SERGEF: variants seen among roughly 807,000 people sequenced by gnomAD.
SERGEF encodes the protein secretion-regulating guanine nucleotide exchange factor.
Under a neutral mutation model 50.0 loss-of-function variants are expected in SERGEF, and 51 were observed. The ratio of observed to expected loss-of-function variants is 1.02; its 90% CI spans 0.81 to 1.29. The LOEUF (loss-of-function observed/expected upper bound fraction) is 1.29, where lower values mean the gene tolerates loss of function less well. SERGEF is among the 50% of genes most tolerant of loss of function. The pLI, the probability that SERGEF is intolerant of heterozygous loss-of-function variation, is 0.00. For synonymous variants in SERGEF, 205 were observed against 212.4 expected (o/e 0.97, Z 0.30); for missense variants, 521 against 557.0 (o/e 0.94, Z 0.65).
chr11:17,821,670 C>T (rs1214738772), intron 10 of SERGEF, among the ~76,000 whole-genome samples: 1 of 152,212 alleles, frequency 6.6e-6, no homozygotes, highest in Admixed American at 6.5e-5. Context: ...GAGATATCAC[C>T]TCTTCTCTGC....
At position 18,007,961 on chromosome 11, in the gene SERGEF, C is replaced by T; in HGVS notation, c.176G>A (p.Gly59Asp). Residue 59 changes from glycine to aspartate, a missense_variant, in exon 2 of 11, where the codon GGC becomes GAC. By Grantham distance (94) the Gly-to-Asp change is moderately conservative. Coordinates refer to ENST00000265965, the MANE Select transcript of SERGEF (RefSeq NM_012139.4). The stretch of plus-strand genomic sequence containing the variant: ...ATTACCTGTGACAACTGCAGAGTGG[C>T]CCCCTCCTCCTGTGATCCTCCTGAC... The part of the protein sequence containing the change: ...RSVRRITGGG[G>D]HSAVVTDGGD... The T allele has an allele frequency of 6.2e-7, 1 of 1,613,470 alleles. No individual in the cohort carries two copies. Among genetic ancestry groups the T allele is most frequent in the Non-Finnish European group, 8.5e-7 (1 of 1,179,644 alleles).
rs1000198406 is a variant in SERGEF, at chr11:17,918,820, C to T, written c.1012-40576G>A. On this transcript the variant is annotated intron_variant, in intron 9 of 10. Coordinates refer to ENST00000265965, the MANE Select transcript of SERGEF (RefSeq NM_012139.4). ...AATATGGATTAGGCAAAAAGCACTC[C>T]TGGCAAAGGGAAGAGTGTGAGCAAA... The T allele has an allele frequency of 7.6e-6, 3 of 393,488 alleles. 1 individual carries two copies. Among genetic ancestry groups the T allele is most frequent in the Non-Finnish European group, 1.5e-5 (3 of 200,974 alleles). The allele number at this position is 393,488 out of a possible 1,614,324, so 24.4% of individuals were successfully genotyped here.
At chr11:17,994,737 C>G (rs1384671209) in intron 6 of SERGEF, among the ~76,000 whole-genome samples, 2 of 152,116 alleles carry the variant, frequency 1.3e-5, no homozygotes, top group Non-Finnish European at 2.9e-5. Flanking sequence ...CTAAGAGGAC[C>G]TTCCCCAGCT....
chr11:17,815,436 T>TAAAAAAA (rs763972184), intron 10 of SERGEF, among the ~76,000 whole-genome samples: 2 of 108,368 alleles, frequency 1.8e-5, no homozygotes, highest in Admixed American at 2.0e-4. Flanking sequence ...CCATCTCTAC[T>TAAAAAAA]AAAAAAAAAA....
chr11:17,892,491 A>G (rs537926361), intron 9 of SERGEF, among the ~76,000 whole-genome samples: 1 of 152,308 alleles, frequency 6.6e-6, no homozygotes, highest in South Asian at 2.1e-4. Context: ...TAGGCATGGG[A>G]GCAAGACCTG....
chr11:17,865,565 G>A (rs892080309), intron 10 of SERGEF, among the ~76,000 whole-genome samples: 2 of 151,680 alleles, frequency 1.3e-5, no homozygotes, highest in Non-Finnish European at 2.9e-5. Context: ...TTCTGACCCC[G>A]TACAGGCCTG....
At chr11:18,000,233 A>G (rs1057090150) in intron 5 of SERGEF, among the ~76,000 whole-genome samples, 2 of 152,138 alleles carry the variant, frequency 1.3e-5, no homozygotes, top group African/African-American at 4.8e-5. Flanking sequence ...GGATTGCTTG[A>G]GGCCAGAAAT....
chr11:18,010,844 A>G (rs1008673851), intron 1 of SERGEF, among the ~76,000 whole-genome samples: 1 of 152,216 alleles, frequency 6.6e-6, no homozygotes, highest in Non-Finnish European at 1.5e-5. Flanking sequence ...AGACTTGCTC[A>G]GCATGAAGGG....
intron 1 of SERGEF, 163 bp downstream of exon 1, chr11:18,012,788 C>CAACACCAA: frequency 2.9e-6 from 4 of 1,363,544 alleles, no homozygotes; most frequent in Non-Finnish European, 4.0e-6. Context: ...CGCCCGCCCG[C>CAACACCAA]TCCTCCTCCG....
chr11:17,950,905 A>C (rs2133963998), intron 9 of SERGEF, among the ~76,000 whole-genome samples: 1 of 152,348 alleles, frequency 6.6e-6, no homozygotes, highest in South Asian at 2.1e-4. Flanking sequence ...TGGTAGTAAC[A>C]TATGAGGTCA....
At chr11:17,810,345 A>G (rs1057188156) in intron 10 of SERGEF, among the ~76,000 whole-genome samples, 1 of 152,152 alleles carries the variant, frequency 6.6e-6, no homozygotes, top group Admixed American at 6.5e-5. Flanking sequence ...CCATCCCGCA[A>G]TCAGGAATGC....
At chr11:17,994,848 C>T (rs1405692255) in intron 6 of SERGEF, among the ~76,000 whole-genome samples, 5 of 152,132 alleles carry the variant, frequency 3.3e-5, no homozygotes, top group African/African-American at 1.2e-4. Flanking sequence ...AATTACATCA[C>T]TCCCACTGCA....
At chr11:17,930,672 C>T (rs1474490074) in intron 9 of SERGEF, among the ~76,000 whole-genome samples, 2 of 152,154 alleles carry the variant, frequency 1.3e-5, no homozygotes, top group Admixed American at 1.3e-4. Flanking sequence ...AGGTTAAAGG[C>T]AACACAGCAC....
At chr11:17,946,963 C>T (rs887726695) in intron 9 of SERGEF, among the ~76,000 whole-genome samples, 4 of 152,202 alleles carry the variant, frequency 2.6e-5, no homozygotes. Context: ...TGTGACTTAG[C>T]CCCTCATTCC....
chr11:17,841,403 CT>C (rs1850499711), intron 10 of SERGEF, among the ~76,000 whole-genome samples: 1 of 152,222 alleles, frequency 6.6e-6, no homozygotes, highest in South Asian at 2.1e-4. Context: ...TCACATCTTT[CT>C]TTTCCTCACA....
At chr11:17,869,134 T>C (rs1851087565) in intron 10 of SERGEF, among the ~76,000 whole-genome samples, 1 of 152,170 alleles carries the variant, frequency 6.6e-6, no homozygotes. Flanking sequence ...TAGAATAAAA[T>C]ATAAAGAAAG....
intron 9 of SERGEF, among the ~76,000 whole-genome samples, chr11:17,909,537 C>T (rs1851910039): frequency 6.6e-6 from 1 of 152,168 alleles, no homozygotes; most frequent in Non-Finnish European, 1.5e-5. Flanking sequence ...GATCAGGGCC[C>T]AGCTGGGATG....
intron 4 of SERGEF, among the ~76,000 whole-genome samples, chr11:18,001,286 G>A (rs934083921): frequency 1.3e-5 from 2 of 152,180 alleles, no homozygotes; most frequent in African/African-American, 4.8e-5. Flanking sequence ...AAGATGTGGA[G>A]CTTAATACCC....
intron 8 of SERGEF, among the ~76,000 whole-genome samples, chr11:17,963,364 T>TAAAAAAAAAAAA (rs1174880141): frequency 2.0e-5 from 1 of 49,882 alleles, no homozygotes; most frequent in Non-Finnish European, 3.6e-5. Flanking sequence ...TTACTATTAG[T>TAAAAAAAAAAAA]AAAAAAAAAA....
Sources: gnomAD v4.1 joint callset for allele counts (sites outside exome capture counted in the v4.1 genomes callset) on GRCh38, gnomAD v4.1.1 for gene constraint, MANE v1.5 for transcripts, NCBI Gene and HGNC (gene_info 2026-07-23, HGNC 2026-07-21) for gene names.